Variants in SH3PXD2A observed in about 807,000 individuals in gnomAD.
SH3PXD2A encodes SH3 and PX domain-containing protein 2A.
A neutral mutation model predicts 115.2 loss-of-function variants in SH3PXD2A; 32 were observed. The observed-to-expected ratio is 0.28, with a 90% CI of 0.21 to 0.37. The LOEUF (loss-of-function observed/expected upper bound fraction) is 0.37, where lower values mean the gene tolerates loss of function less well. Ranked by LOEUF, SH3PXD2A falls within the 10% of genes least tolerant of loss-of-function variation. SH3PXD2A has a pLI of 1.00. For synonymous variants in SH3PXD2A, 610 were observed against 629.1 expected, an observed-to-expected ratio of 0.97 and a Z score of 0.45; for missense variants, 1,328 against 1,498.7, an observed-to-expected ratio of 0.89 and a Z score of 1.88.
Position 103,739,694 on chromosome 10 carries a change from T to C in SH3PXD2A, c.230-3886A>G, listed in dbSNP as rs531504922. Among the ~76,000 whole-genome samples the C allele has an allele frequency of 4.6e-5, 7 of 152,258 alleles. No homozygotes were observed. The South Asian group carries it at 1.5e-3, about 32-fold the overall frequency. On this transcript the variant is annotated intron_variant, in intron 3 of 14. Transcript: ENST00000369774. ...GCTTCTGCCAGAGTCTTCAAAGCCATCCAGATGCCGCCCTAGGAATCTGAT... is the reference window on the plus strand; with the variant it reads ...GCTTCTGCCAGAGTCTTCAAAGCCACCCAGATGCCGCCCTAGGAATCTGAT...
chr10:103,818,032 C>T (rs1357657748), intron 1 of SH3PXD2A, among the ~76,000 whole-genome samples: 1 of 152,150 alleles, frequency 6.6e-6, no homozygotes, highest in African/African-American at 2.4e-5. Flanking sequence ...AACTAAAAAC[C>T]ATTTAATTGT....
At chr10:103,676,292 G>C (rs1304935092) in intron 6 of SH3PXD2A, among the ~76,000 whole-genome samples, 2 of 152,204 alleles carry the variant, frequency 1.3e-5, no homozygotes, top group African/African-American at 4.8e-5. Flanking sequence ...GCCCAACCCA[G>C]GGTAGGAATG....
At chr10:103,796,131 G>A (rs762312308) in intron 2 of SH3PXD2A, among the ~76,000 whole-genome samples, 56 of 152,000 alleles carry the variant, frequency 3.7e-4, no homozygotes, top group South Asian at 6.3e-4. Context: ...AGACCGAGGC[G>A]GAAGGATACT....
chr10:103,631,330 CAAT>C, intron 8 of SH3PXD2A, among the ~76,000 whole-genome samples: 1 of 152,142 alleles, frequency 6.6e-6, no homozygotes, highest in South Asian at 2.1e-4. Flanking sequence ...AGGAGATTAA[CAAT>C]AATTAATAAA....
intron 1 of SH3PXD2A, among the ~76,000 whole-genome samples, chr10:103,826,014 C>T (rs969261165): frequency 2.6e-5 from 4 of 152,132 alleles, no homozygotes; most frequent in African/African-American, 4.8e-5. Context: ...CGGCCCACCT[C>T]GGCCTCCCAA....
rs911673232 is a variant in SH3PXD2A, at chr10:103,594,339, C to G, written c.*7477G>C. The G allele has an allele frequency of 6.6e-6, 1 of 152,668 alleles. No individual in the cohort carries two copies. The highest frequency in any genetic ancestry group is 1.5e-5 in the Non-Finnish European group (1 of 68,054). The allele number at this position is 152,668 out of a possible 1,614,324, so 9.5% of individuals were successfully genotyped here. A position where few individuals can be genotyped will look rare whatever the true frequency, so the allele number is the denominator to read the frequency against. On this transcript the variant is annotated 3_prime_UTR_variant, in exon 15 of 15. Transcript: ENST00000369774. ...TTGATTCTGGAAATATTTCAGCACT[C>G]AAATCGACTGCACTGAGTTTAATGT...
intron 2 of SH3PXD2A, among the ~76,000 whole-genome samples, chr10:103,771,002 C>T (rs1215570941): frequency 6.6e-6 from 1 of 152,202 alleles, no homozygotes; most frequent in Non-Finnish European, 1.5e-5. Flanking sequence ...AAATGGATAA[C>T]TAACATGTCA....
chr10:103,634,143 C>T (rs956466948), intron 8 of SH3PXD2A, among the ~76,000 whole-genome samples: 3 of 152,262 alleles, frequency 2.0e-5, no homozygotes, highest in Non-Finnish European at 4.4e-5. Context: ...ACCCATCCTC[C>T]ATCCGGGATC....
intron 13 of SH3PXD2A, chr10:103,609,996 C>T (rs1444235083): frequency 6.6e-6 from 1 of 152,366 alleles, no homozygotes; most frequent in East Asian, 1.9e-4. Context: ...ACATACATCA[C>T]TTTGGGCCCA....
chr10:103,674,763 T>A (rs2037509084), intron 6 of SH3PXD2A, among the ~76,000 whole-genome samples: 1 of 152,012 alleles, frequency 6.6e-6, no homozygotes, highest in Non-Finnish European at 1.5e-5. Flanking sequence ...GAGCTTGCAG[T>A]GAGCTGAGAT....
Position 103,855,276 on chromosome 10 carries a change from C to G in SH3PXD2A, c.-10G>C, listed in dbSNP as rs1362991851. The G allele has an allele frequency of 1.3e-6, 2 of 1,505,136 alleles. No individual in the cohort carries two copies. The highest frequency in any genetic ancestry group is 1.4e-5 in the African/African-American group (1 of 69,520). 93.2% of individuals were successfully genotyped at this position (1,505,136 alleles called of 1,614,324 possible). A position where few individuals can be genotyped will look rare whatever the true frequency, so the allele number is the denominator to read the frequency against. On this transcript the variant is annotated 5_prime_UTR_variant, in exon 1 of 15. Transcript: ENST00000369774. ...CGCAGTAGGCGAGCATCTTCCCCCA[C>G]AAAGCGAGTGGCGCCCCCGGCGGCG...
chr10:103,740,278 G>T (rs2038429912), intron 3 of SH3PXD2A, among the ~76,000 whole-genome samples: 1 of 152,198 alleles, frequency 6.6e-6, no homozygotes, highest in Admixed American at 6.5e-5. Flanking sequence ...GCTGAGCTGG[G>T]ATTTCAACCT....
At chr10:103,834,827 A>G (rs1400931857) in intron 1 of SH3PXD2A, among the ~76,000 whole-genome samples, 2 of 152,200 alleles carry the variant, frequency 1.3e-5, no homozygotes, top group Middle Eastern at 3.4e-3. Context: ...GTGAACTCCA[A>G]CTCTCTCAAG....
chr10:103,810,102 C>T (rs775101549), intron 1 of SH3PXD2A, among the ~76,000 whole-genome samples: 3 of 152,184 alleles, frequency 2.0e-5, no homozygotes, highest in Non-Finnish European at 4.4e-5. Context: ...CAGTAGTTAC[C>T]TTTTGGAGGC....
chr10:103,692,117 C>G (rs2037759811), intron 6 of SH3PXD2A, among the ~76,000 whole-genome samples: 1 of 152,194 alleles, frequency 6.6e-6, no homozygotes, highest in Non-Finnish European at 1.5e-5. Flanking sequence ...GGCCAATCCA[C>G]GTGTCAGCAC....
At position 103,603,681 on chromosome 10, in the gene SH3PXD2A, G is replaced by A. The variant is rs751092364; in HGVS notation, c.1537C>T (p.Arg513Cys). 16 of 1,608,066 alleles carry A rather than the reference G, an allele frequency of 9.9e-6. No homozygotes were observed. The highest frequency in any genetic ancestry group is 1.6e-4 in the Middle Eastern group (1 of 6,074). Residue 513 changes from arginine to cysteine, a missense_variant, in exon 15 of 15, where the codon CGC becomes TGC. Around this residue, in one of 5 missense-constraint regions of SH3PXD2A, gnomAD observed 509 missense variants for 628.3 expected, o/e 0.81. Transcript: ENST00000369774. ...DKRKKPNLSR[R>C]TSTLTRPKVP... ...TTGGGCCGGGTCAGCGTGCTTGTGC[G>A]GCGGCTCAGGTTGGGCTTCTTGCGC...
At chr10:103,817,401 TGCCATCTCGGC>T (rs995534611) in intron 1 of SH3PXD2A, among the ~76,000 whole-genome samples, 3 of 152,194 alleles carry the variant, frequency 2.0e-5, no homozygotes, top group East Asian at 3.9e-4. Flanking sequence ...AGTGCAGTGG[TGCCATCTCGGC>T]GCACTGCAAC....
rs553170499 is a variant in SH3PXD2A at position 103,838,800 on chromosome 10, C to CT, written c.72+16394dup. Among the ~76,000 whole-genome samples the CT allele has an allele frequency of 2.4e-4, 37 of 152,226 alleles. No individual in the cohort carries two copies. In the East Asian group the frequency reaches 5.4e-3, roughly 22 times the overall value. On this transcript the variant is annotated intron_variant, in intron 1 of 14. Coordinates refer to ENST00000369774, the MANE Select transcript of SH3PXD2A (RefSeq NM_001394015.1). ...GGCCCAACACAATCAGGGCCAATGA[C>CT]TTTTTTTTCTTTTTGAGAATAAAGA...
intron 1 of SH3PXD2A, among the ~76,000 whole-genome samples, chr10:103,813,090 A>G (rs1337329999): frequency 6.6e-6 from 1 of 152,204 alleles, no homozygotes; most frequent in Non-Finnish European, 1.5e-5. Context: ...CATTATGGGA[A>G]AAGGTTTATA....
Sources: gnomAD v4.1 joint callset for allele counts (sites outside exome capture counted in the v4.1 genomes callset) on GRCh38, gnomAD v4.1.1 for gene constraint, gnomAD v4.1.1 regional missense constraint, MANE v1.5 for transcripts, NCBI Gene and HGNC (gene_info 2026-07-23, HGNC 2026-07-21) for gene names.